SCN9A: variants seen among roughly 807,000 people sequenced by gnomAD.
SCN9A encodes sodium channel protein type 9 subunit alpha.
SCN9A carries 131 observed loss-of-function variants against 187.0 expected under a neutral mutation model. That is an observed-to-expected ratio of 0.70 (90% CI 0.61 to 0.81). The LOEUF (loss-of-function observed/expected upper bound fraction) is 0.81. Ranked by LOEUF, SCN9A falls within the 30% of genes least tolerant of loss-of-function variation. The pLI is 0.00. For synonymous variants in SCN9A, 809 were observed against 808.6 expected (o/e 1.00, Z -0.01); for missense variants, 2,252 against 2,396.6 (o/e 0.94, Z 1.26).
At chr2:166,281,129 A>G (rs1216817098) in intron 13 of SCN9A, among the ~76,000 whole-genome samples, 1 of 152,158 alleles carries the variant, frequency 6.6e-6, no homozygotes, top group Non-Finnish European at 1.5e-5. Flanking sequence ...TTAGGAGATG[A>G]GTAGACACTT....
rs1189535713 is a variant in SCN9A, at chr2:166,306,981, T to C, written c.352A>G (p.Ile118Val). Reference sequence around the variant, plus strand: ...GAGTGTACTAAAATCTTAATAGATATTCTTCTTAGAGGACTGAAAGGAGAA... The same window carrying C: ...GAGTGTACTAAAATCTTAATAGATACTCTTCTTAGAGGACTGAAAGGAGAA... ...MLSPFSPLRR[I>V]SIKILVHSLF... The change falls in exon 3 of 27, where the codon ATA (isoleucine) becomes GTA (valine). Residue 118 changes from isoleucine to valine, a missense_variant. Around this residue, in one of 7 missense-constraint regions of SCN9A, gnomAD observed 1,013 missense variants for 997.4 expected, o/e 1.02. Coordinates refer to ENST00000642356, the MANE Select transcript of SCN9A (RefSeq NM_001365536.1). The C allele has an allele frequency of 2.5e-6, 4 of 1,598,930 alleles. No homozygotes were observed. The South Asian group carries it at 3.3e-5, about 13-fold the overall frequency.
At chr2:166,278,042 C>T (rs1047504920) in intron 15 of SCN9A, 98 bp downstream of exon 15, 15 of 938,476 alleles carry the variant, frequency 1.6e-5, no homozygotes, top group Non-Finnish European at 1.9e-5. Flanking sequence ...ATAATCTTGC[C>T]TTTTGATTCA....
At chr2:166,279,651 C>T (rs1336159852) in intron 14 of SCN9A, among the ~76,000 whole-genome samples, 1 of 152,008 alleles carries the variant, frequency 6.6e-6, no homozygotes, top group African/African-American at 2.4e-5. Flanking sequence ...GTTTTTAAAG[C>T]TTGTTTCATT....
intron 1 of SCN9A, among the ~76,000 whole-genome samples, chr2:166,330,986 G>A (rs907839922): frequency 2.0e-5 from 3 of 152,050 alleles, no homozygotes; most frequent in Admixed American, 1.3e-4. Context: ...ACAACTGGGG[G>A]AGGAGGTTGA....
At chr2:166,352,650 T>C (rs1700058521) in intron 1 of SCN9A, among the ~76,000 whole-genome samples, 1 of 152,232 alleles carries the variant, frequency 6.6e-6, no homozygotes, top group Non-Finnish European at 1.5e-5. Context: ...GTTAATTTTT[T>C]CTTAGTTGCA....
At chr2:166,199,974 AGTTTTTTTTTTTTTTT>A in intron 26 of SCN9A, 110 bp from the exon 27 acceptor site, 2 of 97,560 alleles carry the variant, frequency 2.1e-5, no homozygotes, top group Non-Finnish European at 4.3e-5. Context: ...AATTCAAGAC[AGTTTTTTTTTTTTTTT>A]TTTTTTTTTT....
intron 24 of SCN9A, among the ~76,000 whole-genome samples, chr2:166,225,237 G>A (rs1233652136): frequency 6.6e-6 from 1 of 152,052 alleles, no homozygotes; most frequent in Non-Finnish European, 1.5e-5. Context: ...CTCCATGTGG[G>A]TTAGCCATTC....
At chr2:166,205,106 A>T (rs1337445998) in intron 24 of SCN9A, 2 of 152,198 alleles carry the variant, frequency 1.3e-5, no homozygotes, top group East Asian at 3.9e-4. Context: ...TATAAATTCA[A>T]TGCTATCCCC....
At chr2:166,270,759 A>G (rs1191931062) in intron 17 of SCN9A, among the ~76,000 whole-genome samples, 8 of 125,908 alleles carry the variant, frequency 6.4e-5, no homozygotes. Context: ...TGAGCATTTT[A>G]CTGATATATA....
At chr2:166,200,936 T>G (rs1382387155) in intron 26 of SCN9A, among the ~76,000 whole-genome samples, 1 of 152,196 alleles carries the variant, frequency 6.6e-6, no homozygotes, top group Non-Finnish European at 1.5e-5. Flanking sequence ...GTGCCCAGCC[T>G]GTAACCTATT....
rs890174438 is a variant in SCN9A, at chr2:166,197,266, A to C, written c.*1406T>G. 3 of 152,122 alleles carry C rather than the reference A, an allele frequency of 2.0e-5. No individual in the cohort carries two copies. The highest frequency in any genetic ancestry group is 7.2e-5 in the African/African-American group (3 of 41,442). 9.4% of individuals were successfully genotyped at this position (152,122 alleles called of 1,614,324 possible). ...AAAAGCATTATGGTTATTTCTTTTCAAATTACTATTAATAGGTGTTTTCAA... is the reference window on the plus strand; with the variant it reads ...AAAAGCATTATGGTTATTTCTTTTCCAATTACTATTAATAGGTGTTTTCAA... On this transcript the variant is annotated 3_prime_UTR_variant, in exon 27 of 27. Coordinates refer to ENST00000642356, the MANE Select transcript of SCN9A (RefSeq NM_001365536.1).
intron 1 of SCN9A, among the ~76,000 whole-genome samples, chr2:166,371,710 A>G (rs1275916765): frequency 6.6e-6 from 1 of 152,200 alleles, no homozygotes; most frequent in Non-Finnish European, 1.5e-5. Flanking sequence ...GTTCTAAAGG[A>G]AGATGTCATA....
At chr2:166,370,235 A>C (rs4667512) in intron 1 of SCN9A, among the ~76,000 whole-genome samples, 134,586 of 137,366 alleles carry the variant, frequency 0.98, 65,950 homozygotes, top group Non-Finnish European at 0.99. Flanking sequence ...TAATAATAAT[A>C]ATCATCATCA....
At chr2:166,308,888 G>A (rs1159680721) in intron 2 of SCN9A, among the ~76,000 whole-genome samples, 1 of 138,392 alleles carries the variant, frequency 7.2e-6, no homozygotes, top group Non-Finnish European at 1.5e-5. Context: ...ATCGCGCCAC[G>A]GCACTCCAGC....
At chr2:166,313,597 C>T (rs1025617776) in intron 1 of SCN9A, among the ~76,000 whole-genome samples, 1 of 152,112 alleles carries the variant, frequency 6.6e-6, no homozygotes, top group Non-Finnish European at 1.5e-5. Flanking sequence ...GTGGATTAGG[C>T]TTTGGCTTAA....
At chr2:166,304,022 C>T (rs1391140791) in intron 6 of SCN9A, 3 of 1,611,872 alleles carry the variant, frequency 1.9e-6, no homozygotes, top group Non-Finnish European at 2.5e-6. Flanking sequence ...TGTTTAACCC[C>T]ACTCTCACCT....
chr2:166,365,855 TC>T (rs1700402157), intron 1 of SCN9A, among the ~76,000 whole-genome samples: 1 of 152,170 alleles, frequency 6.6e-6, no homozygotes, highest in Admixed American at 6.5e-5. Flanking sequence ...TCTCTTAAAA[TC>T]GGCGTCACAT....
chr2:166,285,087 G>A (rs1697678786), intron 11 of SCN9A, among the ~76,000 whole-genome samples: 1 of 152,134 alleles, frequency 6.6e-6, no homozygotes, highest in Admixed American at 6.6e-5. Context: ...TAGAGTTACT[G>A]CTCCATTCTT....
At chr2:166,327,249 C>T (rs901160894) in intron 1 of SCN9A, among the ~76,000 whole-genome samples, 5 of 152,096 alleles carry the variant, frequency 3.3e-5, no homozygotes, top group African/African-American at 4.8e-5. Context: ...GCATCATCCT[C>T]GTGCACTCAA....
Sources: gnomAD v4.1 joint callset for allele counts (sites outside exome capture counted in the v4.1 genomes callset) on GRCh38, gnomAD v4.1.1 for gene constraint, gnomAD v4.1.1 regional missense constraint, MANE v1.5 for transcripts, NCBI Gene and HGNC (gene_info 2026-07-23, HGNC 2026-07-21) for gene names.